The following NR0B1 variants were observed in gnomAD, a reference collection of about 807,000 sequenced individuals.
NR0B1 encodes the protein DSS-AHC critical region on the X chromosome protein 1.
In NR0B1, 3 loss-of-function variants were observed where a neutral mutation model predicts 23.0. That is an observed-to-expected ratio of 0.13 (90% CI 0.06 to 0.34). NR0B1 has a LOEUF of 0.34. Ranked by LOEUF, NR0B1 falls within the 10% of genes least tolerant of loss-of-function variation. The pLI is 1.00. For missense variants in NR0B1, 350 were observed against 402.9 expected (o/e 0.87, Z 1.12); for synonymous variants, 205 against 184.0 (o/e 1.11, Z -0.92).
chrX:30,306,094 G>T (rs1926512474), intron 1 of NR0B1, among the ~76,000 whole-genome samples: 1 of 111,346 alleles, frequency 9.0e-6, no homozygotes, highest in Admixed American at 9.6e-5. Flanking sequence ...TGAGATCCAG[G>T]CTTAAGACCC....
Position 30,309,367 on chromosome X carries a change from C to T in NR0B1, c.-4G>A. Reference sequence around the variant, plus strand: ...ACTGGTGGTTCTCGCCCGCCATGGCCCGCGGCGCCCGTAGCCCAGTTCTGC... The same window carrying T: ...ACTGGTGGTTCTCGCCCGCCATGGCTCGCGGCGCCCGTAGCCCAGTTCTGC... On this transcript the variant is annotated 5_prime_UTR_variant, in exon 1 of 2. Coordinates refer to ENST00000378970, the MANE Select transcript of NR0B1 (RefSeq NM_000475.5). 1.7e-6 allele frequency: 2 copies of T among 1,194,274 alleles called. No homozygotes were observed. Among genetic ancestry groups the T allele is most frequent in the Admixed American group, 2.2e-5 (1 of 45,320 alleles).
At chrX:30,307,073 C>CA (rs1211346698) in intron 1 of NR0B1, among the ~76,000 whole-genome samples, 1 of 111,773 alleles carries the variant, frequency 8.9e-6, no homozygotes, top group Non-Finnish European at 1.9e-5. Flanking sequence ...TATGCACCCT[C>CA]AAAAATGCTA....
rs1379297921 is a variant in NR0B1, at chrX:30,308,230, G to A, written c.1134C>T (p.Tyr378=). The A allele has an allele frequency of 8.3e-7, 1 of 1,210,256 alleles. No individual in the cohort carries two copies. Among genetic ancestry groups the A allele is most frequent in the Non-Finnish European group, 1.1e-6 (1 of 894,078 alleles). ...AGAGCACGGTCCCCTTGAGGTAGGC[G>A]TACTCCTTGGTACTGATGTTCAGAC... The part of the protein sequence containing the change: ...CWSLNISTKE[Y]AYLKGTVLFN... The change falls in exon 1 of 2, where the codon TAC becomes TAT. Residue 378 remains tyrosine (Y), a synonymous_variant. Transcript: ENST00000378970.
At chrX:30,305,976 G>A (rs924679797) in intron 1 of NR0B1, 19 of 324,219 alleles carry the variant, frequency 5.9e-5, no homozygotes, top group African/African-American at 4.1e-4. Context: ...TATTATGGGC[G>A]AATATCAAAT....
rs1926480152 is a variant in NR0B1 at position 30,304,300 on chromosome X, A to C, written c.*279T>G. 1 of 252,827 alleles carries C rather than the reference A, an allele frequency of 4.0e-6. No individual in the cohort carries two copies. Among genetic ancestry groups the C allele is most frequent in the African/African-American group, 2.8e-5 (1 of 35,445 alleles). The allele number at this position is 252,827 out of a possible 1,213,427, so 20.8% of individuals were successfully genotyped here. A position where few individuals can be genotyped will look rare whatever the true frequency, so the allele number is the denominator to read the frequency against. ...TGAGCAGGTTCCATGAAATTGCTAC[A>C]CTTGTGAAAATAGCTTATTATACTA... On this transcript the variant is annotated 3_prime_UTR_variant, in exon 2 of 2. Transcript: ENST00000378970.
chrX:30,308,418 T>C lies in NR0B1; in HGVS notation c.946A>G (p.Met316Val). The change falls in exon 1 of 2, where the codon ATG becomes GTG. Residue 316 changes from methionine to valine, a missense_variant. This residue lies in a region of NR0B1 where 298 missense variants were observed against 314.0 expected (regional missense o/e 0.95). Transcript: ENST00000378970. ...FETVEVSEPSMLQKILTTRRR... is the reference protein window; with the variant it reads ...FETVEVSEPSVLQKILTTRRR... ...CTGGTGGTGAGGATCTTCTGCAGCA[T>C]GCTGGGCTCCGAGACTTCCACAGTC... The C allele has an allele frequency of 1.7e-6, 2 of 1,203,488 alleles. No homozygotes were observed. The highest frequency in any genetic ancestry group is 1.8e-5 in the South Asian group (1 of 56,095).
rs758901478 is a variant in NR0B1, at chrX:30,309,029, T to A, written c.335A>T (p.Asp112Val). The A allele has an allele frequency of 4.1e-6, 5 of 1,207,473 alleles. No homozygotes were observed. Among genetic ancestry groups the A allele is most frequent in the Middle Eastern group, 2.3e-4 (1 of 4,342 alleles). ...AAGCCCCGCTCTGCCCACCCCGGGATCAGAGCCGCACGAACAGCCCCAGCA... is the reference window on the plus strand; with the variant it reads ...AAGCCCCGCTCTGCCCACCCCGGGAACAGAGCCGCACGAACAGCCCCAGCA... The part of the protein sequence containing the change: ...GPCWGCSCGS[D>V]PGVGRAGLPG... Residue 112 changes from aspartate to valine, a missense_variant, in exon 1 of 2, where the codon GAT becomes GTT. Asp to Val is a radical substitution (Grantham distance 152, BLOSUM62 -3). Coordinates refer to ENST00000378970, the MANE Select transcript of NR0B1 (RefSeq NM_000475.5).
chrX:30,308,788 G>T lies in NR0B1; in HGVS notation c.576C>A (p.Ala192=). ...GGKEALPGGR[A]TALLYRCCFC... ...AGCAGCAGCGGTACAGAAGCGCCGT[G>T]GCCCGCCCGCCTGGTAGCGCCTCTT... The change falls in exon 1 of 2, where the codon GCC becomes GCA. Residue 192 remains alanine, a synonymous_variant. Coordinates refer to ENST00000378970, the MANE Select transcript of NR0B1 (RefSeq NM_000475.5). The T allele has an allele frequency of 8.4e-7, 1 of 1,196,687 alleles. No homozygotes were observed. The highest frequency in any genetic ancestry group is 3.0e-5 in the East Asian group (1 of 33,013).
At position 30,309,222 on chromosome X, in the gene NR0B1, C is replaced by T. The variant is rs374842782; in HGVS notation, c.142G>A (p.Gly48Arg). 1 of 1,170,447 alleles carries T rather than the reference C, an allele frequency of 8.5e-7. No individual in the cohort carries two copies. Among genetic ancestry groups the T allele is most frequent in the Non-Finnish European group, 1.2e-6 (1 of 865,293 alleles). Residue 48 changes from glycine to arginine, a missense_variant, in exon 1 of 2, where the codon GGG (glycine) becomes AGG (arginine). This residue lies in a region of NR0B1 where 298 missense variants were observed against 314.0 expected (regional missense o/e 0.95). Coordinates refer to ENST00000378970, the MANE Select transcript of NR0B1 (RefSeq NM_000475.5). The stretch of plus-strand genomic sequence containing the variant: ...CCCAGCAGCCCCTCTCTGCCCACCC[C>T]GGGCTCATCGCCGCACGAACAGCCC... ...CWGCSCGDEP[G>R]VGREGLLGGR...
Position 30,308,792 on chromosome X carries a change from C to T in NR0B1, c.572G>A (p.Arg191Gln), listed in dbSNP as rs376333465. 3 of 1,195,799 alleles carry T rather than the reference C, an allele frequency of 2.5e-6. No individual in the cohort carries two copies. Among genetic ancestry groups the T allele is most frequent in the Non-Finnish European group, 3.4e-6 (3 of 888,586 alleles). Reference protein sequence around the residue: ...PGGKEALPGGRATALLYRCCF... With the variant: ...PGGKEALPGGQATALLYRCCF... ...GCAGCGGTACAGAAGCGCCGTGGCCCGCCCGCCTGGTAGCGCCTCTTTACC... is the reference window on the plus strand; with the variant it reads ...GCAGCGGTACAGAAGCGCCGTGGCCTGCCCGCCTGGTAGCGCCTCTTTACC... Residue 191 changes from arginine (R) to glutamine (Q), a missense_variant, in exon 1 of 2, where the codon CGG (arginine) becomes CAG (glutamine). Arg to Gln is a conservative substitution (Grantham distance 43). Coordinates refer to ENST00000378970, the MANE Select transcript of NR0B1 (RefSeq NM_000475.5).
chrX:30,305,292 G>T (rs1926499309), intron 1 of NR0B1, among the ~76,000 whole-genome samples: 1 of 112,134 alleles, frequency 8.9e-6, no homozygotes, highest in African/African-American at 3.2e-5. Context: ...TCAGCCAATG[G>T]TGGTAAACTT....
chrX:30,305,786 A>C, intron 1 of NR0B1: 1 of 468,234 alleles, frequency 2.1e-6, no homozygotes, highest in Non-Finnish European at 3.7e-6. Flanking sequence ...CTTGTATTCA[A>C]GTAATTAGCA....
chrX:30,308,865 G>A lies in NR0B1; in HGVS notation c.499C>T (p.Pro167Ser), dbSNP rs1266636471. The change falls in exon 1 of 2, where the codon CCA becomes TCA. Residue 167 changes from proline to serine, a missense_variant. This residue lies in a region of NR0B1 where 298 missense variants were observed against 314.0 expected (regional missense o/e 0.95). Transcript: ENST00000378970. ...HVAPAAPEAR[P>S]GGAWWDRSYF... ...GAGCGGTCCCACCACGCGCCCCCTG[G>A]CCGTGCCTCGGGCGCTGCCGGAGCC... 8.5e-7 allele frequency: 1 copy of A among 1,172,707 alleles called. No homozygotes were observed. The highest frequency in any genetic ancestry group is 1.8e-5 in the African/African-American group (1 of 55,184).
Position 30,308,275 on chromosome X carries a change from G to A in NR0B1, c.1089C>T (p.Cys363=). The A allele has an allele frequency of 8.3e-7, 1 of 1,210,866 alleles. No homozygotes were observed. The highest frequency in any genetic ancestry group is 1.7e-5 in the African/African-American group (1 of 57,864). ...PSASQVQAIK[C]FLSKCWSLNI... ...TCAGACTCCAGCATTTGGAAAGAAAGCACTTGATGGCTTGGACCTGGGAGG... is the reference window on the plus strand; with the variant it reads ...TCAGACTCCAGCATTTGGAAAGAAAACACTTGATGGCTTGGACCTGGGAGG... Residue 363 remains cysteine (C), a synonymous_variant, in exon 1 of 2, where the codon TGC becomes TGT. Coordinates refer to ENST00000378970, the MANE Select transcript of NR0B1 (RefSeq NM_000475.5).
intron 1 of NR0B1, among the ~76,000 whole-genome samples, chrX:30,306,224 A>G (rs965706740): frequency 9.0e-5 from 10 of 111,155 alleles, no homozygotes; most frequent in Non-Finnish European, 1.9e-4. Flanking sequence ...CATCTTGTGT[A>G]TGCCACATTA....
chrX:30,304,463 G>T lies in NR0B1; in HGVS notation c.*116C>A. The T allele has an allele frequency of 1.2e-6, 1 of 805,457 alleles. No individual in the cohort carries two copies. The highest frequency in any genetic ancestry group is 1.8e-6 in the Non-Finnish European group (1 of 555,742). The allele number at this position is 805,457 out of a possible 1,213,427, so 66.4% of individuals were successfully genotyped here. On this transcript the variant is annotated 3_prime_UTR_variant, in exon 2 of 2. Transcript: ENST00000378970. ...CTTTAATTGAATACAAAAATACTCTGCATGTAAAAATATTAAGAAAGTTTA... is the reference window on the plus strand; with the variant it reads ...CTTTAATTGAATACAAAAATACTCTTCATGTAAAAATATTAAGAAAGTTTA...
At chrX:30,306,733 G>A (rs1403519399) in intron 1 of NR0B1, among the ~76,000 whole-genome samples, 1 of 111,267 alleles carries the variant, frequency 9.0e-6, no homozygotes, top group African/African-American at 3.3e-5. Context: ...GGAACATAGT[G>A]GATGATTAGT....
intron 1 of NR0B1, among the ~76,000 whole-genome samples, chrX:30,306,315 G>T (rs955134709): frequency 9.0e-6 from 1 of 111,111 alleles, no homozygotes; most frequent in Non-Finnish European, 1.9e-5. Context: ...ACACAAACTG[G>T]CCTTCAAAAT....
intron 1 of NR0B1, among the ~76,000 whole-genome samples, chrX:30,307,526 T>C (rs1296612389): frequency 8.9e-6 from 1 of 111,831 alleles, no homozygotes; most frequent in Non-Finnish European, 1.9e-5. Context: ...AATTCTAAAA[T>C]ACAGTGCTCC....
Sources: gnomAD v4.1 joint callset for allele counts (sites outside exome capture counted in the v4.1 genomes callset) on GRCh38, gnomAD v4.1.1 for gene constraint, gnomAD v4.1.1 regional missense constraint, MANE v1.5 for transcripts, NCBI Gene and HGNC (gene_info 2026-07-23, HGNC 2026-07-21) for gene names.